Variants in GRM3 observed in about 807,000 individuals in gnomAD.
GRM3 encodes glutamate metabotropic receptor 3.
GRM3 carries 26 observed loss-of-function variants against 70.5 expected under a neutral mutation model. The observed-to-expected ratio is 0.37, with a 90% CI of 0.27 to 0.51. GRM3 has a LOEUF of 0.51. GRM3 is among the 20% of genes least tolerant of loss of function. GRM3 has a pLI of 0.93. For synonymous variants in GRM3, 443 were observed against 434.9 expected (o/e 1.02, Z -0.23); for missense variants, 859 against 1,123.8 (o/e 0.76, Z 3.37).
At chr7:86,684,729 G>C (rs1562824869) in intron 1 of GRM3, among the ~76,000 whole-genome samples, 1 of 152,100 alleles carries the variant, frequency 6.6e-6, no homozygotes, top group Non-Finnish European at 1.5e-5. Context: ...CAGAATCAAG[G>C]AATAATGACA....
At chr7:86,777,895 G>C (rs1315802987) in intron 2 of GRM3, among the ~76,000 whole-genome samples, 3 of 152,142 alleles carry the variant, frequency 2.0e-5, no homozygotes, top group Non-Finnish European at 4.4e-5. Flanking sequence ...GGACACTGAG[G>C]TCTCTAAACA....
At chr7:86,828,311 A>G (rs1210523098) in intron 3 of GRM3, among the ~76,000 whole-genome samples, 2 of 152,166 alleles carry the variant, frequency 1.3e-5, no homozygotes, top group Non-Finnish European at 2.9e-5. Flanking sequence ...ATTAAATGAC[A>G]TCATTATGAA....
At chr7:86,701,055 A>G (rs952418116) in intron 1 of GRM3, among the ~76,000 whole-genome samples, 3 of 151,914 alleles carry the variant, frequency 2.0e-5, no homozygotes, top group African/African-American at 7.2e-5. Context: ...TTAAACCACA[A>G]TTGCATTCTG....
At chr7:86,664,093 C>A (rs924192864) in intron 1 of GRM3, among the ~76,000 whole-genome samples, 1 of 151,688 alleles carries the variant, frequency 6.6e-6, no homozygotes, top group African/African-American at 2.4e-5. Flanking sequence ...TATCCAAGAA[C>A]AACAGAAAAT....
intron 1 of GRM3, among the ~76,000 whole-genome samples, chr7:86,683,814 G>A (rs1794497773): frequency 6.6e-6 from 1 of 152,012 alleles, no homozygotes; most frequent in African/African-American, 2.4e-5. Flanking sequence ...ATAAGAGTAG[G>A]GAACAGCCAT....
intron 3 of GRM3, 30 bp downstream of exon 3, chr7:86,787,146 A>G (rs1797272855): frequency 1.3e-6 from 2 of 1,543,662 alleles, no homozygotes; most frequent in African/African-American, 1.4e-5. Flanking sequence ...ACATCTTCTC[A>G]GATGCAAACA....
chr7:86,710,596 G>GGA (rs1221147409), intron 1 of GRM3, among the ~76,000 whole-genome samples: 6 of 116,870 alleles, frequency 5.1e-5, no homozygotes, highest in Non-Finnish European at 7.1e-5. Context: ...CGGGTGGTGG[G>GGA]GAGAGAGAGA....
intron 1 of GRM3, among the ~76,000 whole-genome samples, chr7:86,725,483 G>T (rs958958559): frequency 6.6e-6 from 1 of 152,118 alleles, no homozygotes; most frequent in African/African-American, 2.4e-5. Context: ...TCATAACCTA[G>T]CCTCAAAGGC....
At chr7:86,701,325 T>C (rs1461655966) in intron 1 of GRM3, among the ~76,000 whole-genome samples, 1 of 151,868 alleles carries the variant, frequency 6.6e-6, no homozygotes, top group Middle Eastern at 3.2e-3. Flanking sequence ...TTCAAAACAA[T>C]AAATTTAGGG....
chr7:86,767,698 G>A (rs1388908548), intron 2 of GRM3, among the ~76,000 whole-genome samples: 2 of 151,526 alleles, frequency 1.3e-5, no homozygotes, highest in Admixed American at 1.3e-4. Flanking sequence ...ATATATATGC[G>A]CTTTTTCTCA....
At chr7:86,710,550 T>C (rs1400770708) in intron 1 of GRM3, among the ~76,000 whole-genome samples, 2 of 87,628 alleles carry the variant, frequency 2.3e-5, no homozygotes, top group Non-Finnish European at 4.3e-5. Context: ...AGTAAGCTGC[T>C]ACTGTGTGTG....
At chr7:86,693,216 A>C (rs1222969728) in intron 1 of GRM3, among the ~76,000 whole-genome samples, 1 of 152,116 alleles carries the variant, frequency 6.6e-6, no homozygotes, top group African/African-American at 2.4e-5. Flanking sequence ...CCCAATCAAA[A>C]CCCTTTGAGG....
chr7:86,779,273 T>C (rs1257800732), intron 2 of GRM3, among the ~76,000 whole-genome samples: 4 of 152,208 alleles, frequency 2.6e-5, no homozygotes, highest in Admixed American at 1.3e-4. Flanking sequence ...CCTTGTCTTA[T>C]GTGTCATCTC....
intron 1 of GRM3, among the ~76,000 whole-genome samples, chr7:86,756,879 T>A (rs1232706128): frequency 6.6e-6 from 1 of 152,146 alleles, no homozygotes; most frequent in African/African-American, 2.4e-5. Flanking sequence ...ATTTGTTGAA[T>A]TTCTTTTCTA....
At chr7:86,746,174 G>T (rs1028685634) in intron 1 of GRM3, among the ~76,000 whole-genome samples, 2 of 150,758 alleles carry the variant, frequency 1.3e-5, no homozygotes, top group African/African-American at 4.9e-5. Flanking sequence ...TCCTCATCTG[G>T]CTCTATAATC....
rs781108522 is a variant in GRM3, at chr7:86,786,376, T to C, written c.584T>C (p.Phe195Ser). The change falls in exon 3 of 6, where the codon TTC (phenylalanine) becomes TCC (serine). Residue 195 changes from phenylalanine (F) to serine (S), a missense_variant. Physicochemically the swap from Phe to Ser is radical, Grantham distance 155. Coordinates refer to ENST00000361669, the MANE Select transcript of GRM3 (RefSeq NM_000840.3). The surrounding 1 kb of genome is among the most constrained non-coding windows in gnomAD (Gnocchi z 6.0). ...DYFARTVPPD[F>S]YQAKAMAEIL... ...TTTGCCAGGACCGTGCCCCCCGACT[T>C]CTACCAGGCCAAAGCCATGGCTGAG... The C allele has an allele frequency of 1.9e-6, 3 of 1,614,158 alleles. No homozygotes were observed. The highest frequency in any genetic ancestry group is 1.3e-5 in the African/African-American group (1 of 75,042).
At chr7:86,762,174 A>G (rs1366586704) in intron 1 of GRM3, among the ~76,000 whole-genome samples, 1 of 152,120 alleles carries the variant, frequency 6.6e-6, no homozygotes, top group Non-Finnish European at 1.5e-5. Context: ...GATCAAAGAG[A>G]CCAGAAATTG....
intron 1 of GRM3, among the ~76,000 whole-genome samples, chr7:86,743,249 A>G (rs1381693436): frequency 6.6e-6 from 1 of 152,156 alleles, no homozygotes; most frequent in African/African-American, 2.4e-5. Context: ...GATTCAGATA[A>G]TACTCTCTGA....
chr7:86,734,796 C>T (rs181466772), intron 1 of GRM3, among the ~76,000 whole-genome samples: 1 of 152,160 alleles, frequency 6.6e-6, no homozygotes, highest in Non-Finnish European at 1.5e-5. Flanking sequence ...CTTCCATAGT[C>T]CCCTCCTCAT....
Sources: gnomAD v4.1 joint callset for allele counts (sites outside exome capture counted in the v4.1 genomes callset) on GRCh38, gnomAD v4.1.1 for gene constraint, Gnocchi (gnomAD v3.1) non-coding constraint, MANE v1.5 for transcripts, NCBI Gene and HGNC (gene_info 2026-07-23, HGNC 2026-07-21) for gene names.